The following ZNF81 variants were observed in gnomAD, a reference collection of about 807,000 sequenced individuals.
ZNF81 encodes the protein zinc finger protein 81, also known as zinc finger protein 81 (HFZ20).
In ZNF81, 5 loss-of-function variants were observed where a neutral mutation model predicts 32.3. The ratio of observed to expected loss-of-function variants is 0.15; its 90% CI spans 0.08 to 0.33. ZNF81 has a LOEUF of 0.33. Among genes scored for constraint, ZNF81 ranks in the 10% least tolerant of loss-of-function variants. ZNF81 has a pLI of 1.00. For missense variants in ZNF81, 379 were observed against 479.8 expected (o/e 0.79, Z 1.96); for synonymous variants, 163 against 166.8 (o/e 0.98, Z 0.17).
At chrX:47,882,800 C>T (rs1306045909) in intron 2 of ZNF81, among the ~76,000 whole-genome samples, 2 of 112,330 alleles carry the variant, frequency 1.8e-5, no homozygotes, top group South Asian at 3.6e-4. Flanking sequence ...AAACCAGCCT[C>T]GCCAACATGG....
chrX:47,909,091 TTACTA>T (rs2058730252), intron 4 of ZNF81, among the ~76,000 whole-genome samples: 1 of 112,166 alleles, frequency 8.9e-6, no homozygotes, highest in Non-Finnish European at 1.9e-5. Flanking sequence ...TATCTACACT[TTACTA>T]TATATAAATT....
At chrX:47,893,350 T>C (rs1246373390) in intron 3 of ZNF81, among the ~76,000 whole-genome samples, 5 of 110,375 alleles carry the variant, frequency 4.5e-5, no homozygotes, top group African/African-American at 1.3e-4. Flanking sequence ...GAGGAGACAG[T>C]TGGGGGAGAT....
chrX:47,875,682 G>T (rs1310398149), intron 2 of ZNF81, among the ~76,000 whole-genome samples: 1 of 112,357 alleles, frequency 8.9e-6, no homozygotes, highest in Admixed American at 9.5e-5. Context: ...CTCATCAGCA[G>T]ATTGCTAGGG....
At chrX:47,862,928 A>G (rs782509256) in intron 2 of ZNF81, among the ~76,000 whole-genome samples, 45 of 111,747 alleles carry the variant, frequency 4.0e-4, no homozygotes, top group African/African-American at 1.4e-3. Flanking sequence ...AGCTAGTTTC[A>G]GGAAAACAAG....
At position 47,918,273 on chromosome X, in the gene ZNF81, G is replaced by A. The variant is rs1281330684; in HGVS notation, c.*1641G>A. ...AGTCTCTCCAGCTATCTAACTATTC[G>A]CAAGGTAAAAAATGGCCTCAGGGTA... On this transcript the variant is annotated 3_prime_UTR_variant, in exon 5 of 5. Transcript: ENST00000338637. 4 of 111,338 alleles carry A rather than the reference G, an allele frequency of 3.6e-5. No homozygotes were observed. The highest frequency in any genetic ancestry group is 9.8e-5 in the African/African-American group (3 of 30,615). The allele number at this position is 111,338 out of a possible 1,213,427, so 9.2% of individuals were successfully genotyped here. A position where few individuals can be genotyped will look rare whatever the true frequency, so the allele number is the denominator to read the frequency against.
intron 1 of ZNF81, among the ~76,000 whole-genome samples, chrX:47,840,791 A>G (rs1556879677): frequency 8.9e-6 from 1 of 112,091 alleles, no homozygotes; most frequent in East Asian, 2.8e-4. Context: ...TGCAGGCATG[A>G]GCCACCGCGC....
At chrX:47,912,100 A>G (rs1487394218) in intron 4 of ZNF81, among the ~76,000 whole-genome samples, 1 of 103,443 alleles carries the variant, frequency 9.7e-6, no homozygotes, top group African/African-American at 4.3e-5. Context: ...GCAGGAGCAA[A>G]TTTTTTATGA....
chrX:47,872,895 G>A (rs782587499), intron 2 of ZNF81, among the ~76,000 whole-genome samples: 2 of 111,220 alleles, frequency 1.8e-5, no homozygotes, highest in South Asian at 3.8e-4. Flanking sequence ...TTATTGATTC[G>A]ATATCTTGAA....
At chrX:47,853,181 C>CTT (rs781961305) in intron 2 of ZNF81, among the ~76,000 whole-genome samples, 2 of 101,645 alleles carry the variant, frequency 2.0e-5, no homozygotes, top group Non-Finnish European at 2.0e-5. Context: ...TTCCATAATT[C>CTT]TTTTTTTTTT....
intron 2 of ZNF81, among the ~76,000 whole-genome samples, chrX:47,854,929 A>G (rs1337648715): frequency 9.0e-6 from 1 of 110,673 alleles, no homozygotes; most frequent in Non-Finnish European, 1.9e-5. Context: ...CCCCGTCTCT[A>G]CTAAAAATAC....
chrX:47,866,622 A>G (rs2058560948), intron 2 of ZNF81, among the ~76,000 whole-genome samples: 1 of 111,544 alleles, frequency 9.0e-6, no homozygotes, highest in African/African-American at 3.3e-5. Context: ...TCAAACTTCT[A>G]TATATGACAT....
chrX:47,876,369 A>T (rs897253752), intron 2 of ZNF81, among the ~76,000 whole-genome samples: 1 of 112,465 alleles, frequency 8.9e-6, no homozygotes, highest in Non-Finnish European at 1.9e-5. Flanking sequence ...CCAAATCCCA[A>T]TTCCCACAGG....
At chrX:47,871,822 T>C (rs1172959019) in intron 2 of ZNF81, among the ~76,000 whole-genome samples, 1 of 112,272 alleles carries the variant, frequency 8.9e-6, no homozygotes. Flanking sequence ...CTATTGCTGC[T>C]GCTCGGGGGC....
In ZNF81 at chrX:47,843,219, C is replaced by A. The variant is rs2058457155; in HGVS notation, c.-163-2886C>A. ...TATATATATGGCAAATTTTGTTTAT[C>A]CATTCATCACTTGATGGACATTTGG... On this transcript the variant is annotated intron_variant, in intron 1 of 4. Transcript: ENST00000338637. 2.7e-5 allele frequency among the ~76,000 whole-genome samples: 3 copies of A among 111,189 alleles called. No individual in the cohort carries two copies. The South Asian group carries it at 1.1e-3, about 42-fold the overall frequency.
rs1187764675 is a variant in ZNF81, at chrX:47,856,537, A to G, written c.54+10216A>G. Among the ~76,000 whole-genome samples the G allele has an allele frequency of 1.5e-4, 17 of 112,564 alleles. No homozygotes were observed. The Admixed American group carries it at 1.6e-3, about 11-fold the overall frequency. On this transcript the variant is annotated intron_variant, in intron 2 of 4. Coordinates refer to ENST00000338637, the MANE Select transcript of ZNF81 (RefSeq NM_007137.5). ...AATCCATCCTAGTGTTCCAATAATT[A>G]CATATGGCTTAAAATCATTCATTAA...
chrX:47,879,428 A>T (rs1556884890), intron 2 of ZNF81, among the ~76,000 whole-genome samples: 1 of 110,690 alleles, frequency 9.0e-6, no homozygotes, highest in African/African-American at 3.3e-5. Context: ...AAAATACAAG[A>T]CTCCTCAGTA....
chrX:47,849,158 T>C (rs1472341752), intron 2 of ZNF81, among the ~76,000 whole-genome samples: 1 of 111,949 alleles, frequency 8.9e-6, no homozygotes, highest in African/African-American at 3.2e-5. Context: ...CTTAAATATA[T>C]ACAGGGGGGT....
chrX:47,913,248 A>G (rs1369448076), intron 4 of ZNF81, among the ~76,000 whole-genome samples: 3 of 112,181 alleles, frequency 2.7e-5, no homozygotes, highest in Non-Finnish European at 3.8e-5. Flanking sequence ...CAGAAAAAAA[A>G]AGTTCTGCAA....
In ZNF81 at chrX:47,923,495, T is replaced by C. The variant is rs1318689459; in HGVS notation, c.*6863T>C. ...AGAACAGTGTTTCCAACAAGTGTTT[T>C]AATGGAGGACTTGTCCAAATTAGAC... On this transcript the variant is annotated 3_prime_UTR_variant, in exon 5 of 5. Transcript: ENST00000338637. Among the ~76,000 whole-genome samples, 4 of 112,135 alleles carry C rather than the reference T, an allele frequency of 3.6e-5. No homozygotes were observed. Among genetic ancestry groups the C allele is most frequent in the African/African-American group, 1.3e-4 (4 of 30,800 alleles).
Sources: gnomAD v4.1 joint callset for allele counts (sites outside exome capture counted in the v4.1 genomes callset) on GRCh38, gnomAD v4.1.1 for gene constraint, MANE v1.5 for transcripts, NCBI Gene and HGNC (gene_info 2026-07-23, HGNC 2026-07-21) for gene names.